Variants in BCL11B observed in about 807,000 individuals in gnomAD.
BCL11B encodes BCL11 transcription factor B, also known as B-cell lymphoma/leukemia 11B.
A neutral mutation model predicts 49.9 loss-of-function variants in BCL11B; 8 were observed. The ratio of observed to expected loss-of-function variants is 0.16; its 90% CI spans 0.09 to 0.29. The LOEUF is 0.29. Ranked by LOEUF, BCL11B falls within the 10% of genes least tolerant of loss-of-function variation. The pLI is 1.00. For missense variants in BCL11B, 1,006 were observed against 1,351.0 expected, an observed-to-expected ratio of 0.74 and a Z score of 4.00; for synonymous variants, 739 against 637.4, an observed-to-expected ratio of 1.16 and a Z score of -2.40.
In BCL11B at chr14:99,205,379, T is replaced by C. The variant is rs1323338953; in HGVS notation, c.640+25966A>G. ...GGAGGATTCGCATTCACTCTGGTGC[T>C]CCACAAGTTTGACGGTTTGGGAAAA... On this transcript the variant is annotated intron_variant, in intron 3 of 3. Coordinates refer to ENST00000357195, the MANE Select transcript of BCL11B (RefSeq NM_138576.4). The surrounding 1 kb of genome is among the most constrained non-coding windows in gnomAD (Gnocchi z 5.0). Among the ~76,000 whole-genome samples, 2 of 152,148 alleles carry C rather than the reference T, an allele frequency of 1.3e-5. No homozygotes were observed. The highest frequency in any genetic ancestry group is 2.9e-5 in the Non-Finnish European group (2 of 68,024).
At chr14:99,221,753 C>T (rs1888015569) in intron 3 of BCL11B, among the ~76,000 whole-genome samples, 1 of 152,262 alleles carries the variant, frequency 6.6e-6, no homozygotes, top group Non-Finnish European at 1.5e-5. Context: ...CTGTGAACTA[C>T]AAGAGAAGCT....
intron 3 of BCL11B, among the ~76,000 whole-genome samples, chr14:99,203,322 G>C (rs1887440052): frequency 6.6e-6 from 1 of 152,232 alleles, no homozygotes; most frequent in Non-Finnish European, 1.5e-5. Context: ...CCCCAGGACA[G>C]AGAGAGACTT....
Position 99,194,120 on chromosome 14 carries a change from C to T in BCL11B, c.641-17925G>A, listed in dbSNP as rs1052348903. Reference sequence around the variant, plus strand: ...GTCGTGAGAAACGTGCATGACCCCACACATGAATTCTCCCAAACATGATGG... The same window carrying T: ...GTCGTGAGAAACGTGCATGACCCCATACATGAATTCTCCCAAACATGATGG... On this transcript the variant is annotated intron_variant, in intron 3 of 3. Transcript: ENST00000357195. This position sits in a 1 kb window ranked among gnomAD's most constrained non-coding sequence, Gnocchi z 4.6. 3.3e-5 allele frequency among the ~76,000 whole-genome samples: 5 copies of T among 152,210 alleles called. No individual in the cohort carries two copies. Among genetic ancestry groups the T allele is most frequent in the Non-Finnish European group, 7.3e-5 (5 of 68,036 alleles).
Position 99,228,875 on chromosome 14 carries a change from C to G in BCL11B, c.640+2470G>C, listed in dbSNP as rs1205665493. Among the ~76,000 whole-genome samples the G allele has an allele frequency of 6.6e-6, 1 of 152,224 alleles. No individual in the cohort carries two copies. Among genetic ancestry groups the G allele is most frequent in the Non-Finnish European group, 1.5e-5 (1 of 68,048 alleles). ...TCCTGTGTGTGCACAGTGCTACAAG[C>G]TAGGTGCCTTCCAAATGGCTTCAAG... is the stretch of plus-strand genomic sequence containing the variant. On this transcript the variant is annotated intron_variant, in intron 3 of 3. Transcript: ENST00000357195. The surrounding 1 kb of genome is among the most constrained non-coding windows in gnomAD (Gnocchi z 4.8).
rs141735558 is a variant in BCL11B, at chr14:99,203,895, C to T, written c.640+27450G>A. ...CGTGGCCTAGTCAATCTTATCGCAA[C>T]GCCCCAAGCGCCCCTGAACCCCCCG... is the stretch of plus-strand genomic sequence containing the variant. On this transcript the variant is annotated intron_variant, in intron 3 of 3. Transcript: ENST00000357195. Among the ~76,000 whole-genome samples the T allele has an allele frequency of 5.1e-3, 752 of 146,472 alleles. 6 individuals are homozygous for T. The highest frequency in any genetic ancestry group is 0.018 in the African/African-American group (693 of 37,676).
At chr14:99,249,413 C>T (rs1888936991) in intron 2 of BCL11B, among the ~76,000 whole-genome samples, 1 of 152,242 alleles carries the variant, frequency 6.6e-6, no homozygotes. Flanking sequence ...TTAAGCCCAG[C>T]ATGCATTAGC....
chr14:99,270,411 C>T (rs368493685), intron 1 of BCL11B, among the ~76,000 whole-genome samples: 9 of 151,522 alleles, frequency 5.9e-5, no homozygotes, highest in Admixed American at 6.6e-5. Flanking sequence ...CAACCCCAAT[C>T]CCCCCACCTT....
intron 2 of BCL11B, among the ~76,000 whole-genome samples, chr14:99,244,416 A>G (rs1338289710): frequency 6.6e-6 from 1 of 152,156 alleles, no homozygotes; most frequent in Non-Finnish European, 1.5e-5. Context: ...TTAGCGTTTC[A>G]TCTTTCTTTC....
chr14:99,239,857 G>T (rs568896604), intron 2 of BCL11B, among the ~76,000 whole-genome samples: 1 of 152,288 alleles, frequency 6.6e-6, no homozygotes, highest in South Asian at 2.1e-4. Flanking sequence ...ATAAACAGAA[G>T]GAGGAAGGCT....
chr14:99,209,209 A>G (rs1887619834), intron 3 of BCL11B, among the ~76,000 whole-genome samples: 1 of 152,156 alleles, frequency 6.6e-6, no homozygotes, highest in Non-Finnish European at 1.5e-5. Context: ...ATCCTGCCAC[A>G]GAGTCACAAT....
intron 2 of BCL11B, among the ~76,000 whole-genome samples, chr14:99,245,966 C>G (rs373005953): frequency 4.6e-5 from 7 of 152,014 alleles, no homozygotes; most frequent in Non-Finnish European, 8.8e-5. Flanking sequence ...GGAAAGGAGC[C>G]GGGAAAAAAG....
chr14:99,214,232 A>G (rs992300591), intron 3 of BCL11B, among the ~76,000 whole-genome samples: 1 of 152,044 alleles, frequency 6.6e-6, no homozygotes, highest in Non-Finnish European at 1.5e-5. Flanking sequence ...CCAGATTCCA[A>G]TGAGTGGCAA....
At position 99,262,592 on chromosome 14, in the gene BCL11B, A is replaced by G. The variant is rs1033522696; in HGVS notation, c.59-4753T>C. On this transcript the variant is annotated intron_variant, in intron 1 of 3. Coordinates refer to ENST00000357195, the MANE Select transcript of BCL11B (RefSeq NM_138576.4). The surrounding 1 kb of genome is among the most constrained non-coding windows in gnomAD (Gnocchi z 4.2). Reference sequence around the variant, plus strand: ...GTACGCATGTTTACAAGAAATGTTCAGCATCCATCCGCCCGAGCTCTGCAT... The same window carrying G: ...GTACGCATGTTTACAAGAAATGTTCGGCATCCATCCGCCCGAGCTCTGCAT... Among the ~76,000 whole-genome samples the G allele has an allele frequency of 1.3e-5, 2 of 152,214 alleles. No individual in the cohort carries two copies. The highest frequency in any genetic ancestry group is 2.9e-5 in the Non-Finnish European group (2 of 68,046).
At chr14:99,229,055 G>GATGGATGC (rs1566820128) in intron 3 of BCL11B, among the ~76,000 whole-genome samples, 4 of 123,138 alleles carry the variant, frequency 3.2e-5, no homozygotes, top group East Asian at 4.6e-4. Context: ...TGGATGGATG[G>GATGGATGC]ATGGATGGAT....
At chr14:99,198,963 C>T (rs1472237165) in intron 3 of BCL11B, among the ~76,000 whole-genome samples, 1 of 152,184 alleles carries the variant, frequency 6.6e-6, no homozygotes, top group Non-Finnish European at 1.5e-5. Flanking sequence ...AGCTCAGACT[C>T]CCCGGACACC....
intron 3 of BCL11B, among the ~76,000 whole-genome samples, chr14:99,217,576 C>T (rs1332404072): frequency 6.6e-6 from 1 of 152,214 alleles, no homozygotes; most frequent in East Asian, 1.9e-4. Context: ...TCCGCTCAGA[C>T]CCTGTCAGGT....
chr14:99,244,281 C>T (rs1888758145), intron 2 of BCL11B, among the ~76,000 whole-genome samples: 1 of 152,042 alleles, frequency 6.6e-6, no homozygotes, highest in African/African-American at 2.4e-5. Flanking sequence ...TCAAGCAAAA[C>T]ATGAACAATT....
In BCL11B at chr14:99,257,706, G is replaced by C. The variant is rs748682573; in HGVS notation, c.192C>G (p.Asn64Lys). ...DLLTCGQCQM[N>K]FPLGDILVFI... ...AAACCAGGATGTCCCCCAAGGGGAAGTTCATTTGACACTGGCCACAGGTGA... is the reference window on the plus strand; with the variant it reads ...AAACCAGGATGTCCCCCAAGGGGAACTTCATTTGACACTGGCCACAGGTGA... Residue 64 changes from asparagine (N) to lysine (K), a missense_variant, in exon 2 of 4, where the codon AAC (asparagine) becomes AAG (lysine). Physicochemically the swap from Asn to Lys is moderately conservative, Grantham distance 94. Around this residue, in one of 6 missense-constraint regions of BCL11B, gnomAD observed 411 missense variants for 542.2 expected, o/e 0.76. Coordinates refer to ENST00000357195, the MANE Select transcript of BCL11B (RefSeq NM_138576.4). The surrounding 1 kb of genome is among the most constrained non-coding windows in gnomAD (Gnocchi z 6.2). 1 of 1,612,662 alleles carries C rather than the reference G, an allele frequency of 6.2e-7. No individual in the cohort carries two copies. Among genetic ancestry groups the C allele is most frequent in the South Asian group, 1.1e-5 (1 of 90,906 alleles).
chr14:99,263,413 A>G (rs572444729), intron 1 of BCL11B, among the ~76,000 whole-genome samples: 1 of 152,282 alleles, frequency 6.6e-6, no homozygotes, highest in South Asian at 2.1e-4. Flanking sequence ...TCCCAGGAAA[A>G]TGACCAGGGT....
Sources: allele counts gnomAD v4.1 joint callset (sites outside exome capture counted in the v4.1 genomes callset), GRCh38; gene constraint gnomAD v4.1.1; regional missense constraint gnomAD v4.1.1; non-coding constraint Gnocchi (gnomAD v3.1); transcripts MANE v1.5; gene names NCBI Gene and HGNC (gene_info 2026-07-23, HGNC 2026-07-21).